The following HNRNPLL variants were observed in gnomAD, a reference collection of about 807,000 sequenced individuals.
HNRNPLL encodes heterogeneous nuclear ribonucleoprotein L-like.
HNRNPLL carries 25 observed loss-of-function variants against 67.1 expected under a neutral mutation model. The observed-to-expected ratio is 0.37, with a 90% CI of 0.27 to 0.52. The LOEUF is 0.52. Among genes scored for constraint, HNRNPLL ranks in the 20% least tolerant of loss-of-function variants. HNRNPLL has a pLI of 0.90. For synonymous variants in HNRNPLL, 267 were observed against 241.7 expected (o/e 1.10, Z -0.97); for missense variants, 542 against 673.9 (o/e 0.80, Z 2.17).
chr2:38,600,794 C>A (rs1303335012), intron 1 of HNRNPLL, among the ~76,000 whole-genome samples: 1 of 152,080 alleles, frequency 6.6e-6, no homozygotes, highest in East Asian at 1.9e-4. Context: ...TCTTGACCAC[C>A]CCCAAGCCCT....
chr2:38,568,179 A>G lies in HNRNPLL; in HGVS notation c.1573+20T>C. ...AACTGCCACTACATAATTACAACAC[A>G]AATAAAGCATTTTACTTACTCGGCA... On this transcript the variant is annotated intron_variant, in intron 12 of 12. Coordinates refer to ENST00000449105, the MANE Select transcript of HNRNPLL (RefSeq NM_138394.4). 6.7e-7 allele frequency: 1 copy of G among 1,496,656 alleles called. No individual in the cohort carries two copies. Among genetic ancestry groups the G allele is most frequent in the Non-Finnish European group, 9.3e-7 (1 of 1,079,180 alleles). The allele number at this position is 1,496,656 out of a possible 1,614,324, so 92.7% of individuals were successfully genotyped here.
intron 2 of HNRNPLL, among the ~76,000 whole-genome samples, chr2:38,589,864 A>G (rs1666892534): frequency 1.3e-5 from 2 of 152,188 alleles, no homozygotes; most frequent in Admixed American, 1.3e-4. Context: ...TAAATACACA[A>G]GAAGAGAGGA....
chr2:38,570,485 C>G (rs1666033559), intron 8 of HNRNPLL, among the ~76,000 whole-genome samples: 1 of 152,062 alleles, frequency 6.6e-6, no homozygotes, highest in Non-Finnish European at 1.5e-5. Context: ...TACAAAATAG[C>G]CTTGAGATAG....
At chr2:38,590,537 G>A (rs888702434) in intron 2 of HNRNPLL, among the ~76,000 whole-genome samples, 11 of 151,966 alleles carry the variant, frequency 7.2e-5, no homozygotes, top group Middle Eastern at 3.2e-3. Flanking sequence ...AACAACAGCC[G>A]GGCATACTCC....
rs557182051 is a variant in HNRNPLL, at chr2:38,592,279, A to AGTTGTT, written c.190-632_190-631insAACAAC. Among the ~76,000 whole-genome samples the AGTTGTT allele has an allele frequency of 5.1e-4, 78 of 152,346 alleles. 4 individuals carry two copies. The East Asian group carries it at 0.014, about 27-fold the overall frequency. On this transcript the variant is annotated intron_variant, in intron 1 of 12. Transcript: ENST00000449105. ...ACTGGAAGTATATTTGATACTCATT[A>AGTTGTT]ACCTCCATAAAATCAAAATCTCAAC...
intron 8 of HNRNPLL, among the ~76,000 whole-genome samples, chr2:38,570,190 T>A (rs762124340): frequency 6.6e-6 from 1 of 152,206 alleles, no homozygotes; most frequent in Non-Finnish European, 1.5e-5. Flanking sequence ...GAGGGCAATA[T>A]ACTTAACTTC....
At chr2:38,589,361 T>C (rs780452821) in intron 2 of HNRNPLL, among the ~76,000 whole-genome samples, 17 of 152,162 alleles carry the variant, frequency 1.1e-4, no homozygotes, top group Non-Finnish European at 1.9e-4. Flanking sequence ...TTCCATTAAA[T>C]AAAGGGAAAG....
Position 38,564,211 on chromosome 2 carries a change from G to T in HNRNPLL, c.1600C>A (p.Leu534Ile). The stretch of plus-strand genomic sequence containing the variant: ...AAATGGGATGATGTAGAAAAGCAAA[G>T]CTTCAATGTATAGGGATTGGAACCA... ...PNGSNPYTLK[L>I]CFSTSSHL The change falls in exon 13 of 13, where the codon CTT (leucine) becomes ATT (isoleucine). Residue 534 changes from leucine to isoleucine, a missense_variant. Coordinates refer to ENST00000449105, the MANE Select transcript of HNRNPLL (RefSeq NM_138394.4). 1 of 1,564,634 alleles carries T rather than the reference G, an allele frequency of 6.4e-7. No homozygotes were observed. The highest frequency in any genetic ancestry group is 8.8e-7 in the Non-Finnish European group (1 of 1,135,958).
At position 38,564,020 on chromosome 2, in the gene HNRNPLL, G is replaced by C; in HGVS notation, c.*162C>G. 1.7e-6 allele frequency: 1 copy of C among 590,536 alleles called. No individual in the cohort carries two copies. 36.6% of individuals were successfully genotyped at this position (590,536 alleles called of 1,614,324 possible). A position where few individuals can be genotyped will look rare whatever the true frequency, so the allele number is the denominator to read the frequency against. ...AAAATGAAAACAATTCAATATTTAA[G>C]CTTACAACAAATTTACTCAAGGCAA... On this transcript the variant is annotated 3_prime_UTR_variant, in exon 13 of 13. Coordinates refer to ENST00000449105, the MANE Select transcript of HNRNPLL (RefSeq NM_138394.4).
chr2:38,592,557 C>A (rs12995222), intron 1 of HNRNPLL, among the ~76,000 whole-genome samples: 3 of 152,236 alleles, frequency 2.0e-5, no homozygotes, highest in Middle Eastern at 3.4e-3. Context: ...AATGCAAGCC[C>A]TCCTGGGCAT....
chr2:38,599,367 G>C (rs1667331119), intron 1 of HNRNPLL, among the ~76,000 whole-genome samples: 1 of 152,170 alleles, frequency 6.6e-6, no homozygotes. Flanking sequence ...GTTTTCCCAA[G>C]TGAAGCCTTA....
At chr2:38,575,484 G>T (rs1229463020) in intron 7 of HNRNPLL, among the ~76,000 whole-genome samples, 1 of 151,710 alleles carries the variant, frequency 6.6e-6, no homozygotes, top group Non-Finnish European at 1.5e-5. Context: ...ATAAATCTAT[G>T]TATCAATTTC....
At chr2:38,588,450 G>A (rs1330349101) in intron 2 of HNRNPLL, among the ~76,000 whole-genome samples, 2 of 150,842 alleles carry the variant, frequency 1.3e-5, no homozygotes, top group East Asian at 2.0e-4. Context: ...TTGGGAGGCT[G>A]AGGCAGGAGA....
intron 7 of HNRNPLL, among the ~76,000 whole-genome samples, chr2:38,575,045 G>T (rs1666246774): frequency 6.6e-6 from 1 of 151,654 alleles, no homozygotes; most frequent in Non-Finnish European, 1.5e-5. Context: ...AAAGACACAT[G>T]GTAGACAGGC....
chr2:38,569,042 G>T (rs780159028), intron 10 of HNRNPLL, 91 bp downstream of exon 10: 67 of 906,358 alleles, frequency 7.4e-5, no homozygotes, highest in Admixed American at 1.3e-4. Context: ...AAAAGCAAAA[G>T]AATGAGCAAA....
At chr2:38,578,363 TTAG>T (rs1389816068) in intron 6 of HNRNPLL, among the ~76,000 whole-genome samples, 1 of 152,100 alleles carries the variant, frequency 6.6e-6, no homozygotes, top group Non-Finnish European at 1.5e-5. Flanking sequence ...ACCTCCTATG[TTAG>T]TAAATTTTAA....
chr2:38,602,082 C>G (rs1397616321), intron 1 of HNRNPLL: 1 of 272,428 alleles, frequency 3.7e-6, no homozygotes, highest in Non-Finnish European at 7.0e-6. Flanking sequence ...GTGGTCCCGA[C>G]GCTGGCCCCG....
At position 38,581,901 on chromosome 2, in the gene HNRNPLL, T is replaced by C. The variant is rs766682295; in HGVS notation, c.802+12A>G. ...CAGATCAAGTACATTCTAAAATGTATAAAATACCTACCTCGTCTTCCCAAA... is the reference window on the plus strand; with the variant it reads ...CAGATCAAGTACATTCTAAAATGTACAAAATACCTACCTCGTCTTCCCAAA... On this transcript the variant is annotated intron_variant, in intron 6 of 12. Transcript: ENST00000449105. 14 of 1,576,366 alleles carry C rather than the reference T, an allele frequency of 8.9e-6. No homozygotes were observed. In the South Asian group the frequency reaches 1.6e-4, roughly 17 times the overall value.
intron 6 of HNRNPLL, among the ~76,000 whole-genome samples, chr2:38,579,695 A>G (rs1457057123): frequency 6.6e-6 from 1 of 151,836 alleles, no homozygotes; most frequent in Non-Finnish European, 1.5e-5. Context: ...ATTCAAGCTG[A>G]AAAGGGCTTT....
Sources: allele counts gnomAD v4.1 joint callset (sites outside exome capture counted in the v4.1 genomes callset), GRCh38; gene constraint gnomAD v4.1.1; transcripts MANE v1.5; gene names NCBI Gene and HGNC (gene_info 2026-07-23, HGNC 2026-07-21).